Variants in COL27A1 observed in about 807,000 individuals in gnomAD.
The protein encoded by COL27A1 is collagen type XXVII alpha 1 chain.
Under a neutral mutation model 251.3 loss-of-function variants are expected in COL27A1, and 106 were observed. That is an observed-to-expected ratio of 0.42 (90% CI 0.36 to 0.50). The LOEUF (loss-of-function observed/expected upper bound fraction) is 0.50, where lower values mean the gene tolerates loss of function less well. COL27A1 is among the 20% of genes least tolerant of loss of function. The pLI is 0.00. For missense variants in COL27A1, 2,325 were observed against 2,522.8 expected (o/e 0.92, Z 1.68); for synonymous variants, 1,000 against 986.3 (o/e 1.01, Z -0.26).
intron 27 of COL27A1, among the ~76,000 whole-genome samples, chr9:114,256,943 A>T (rs889666742): frequency 2.6e-5 from 4 of 151,962 alleles, no homozygotes; most frequent in Non-Finnish European, 4.4e-5. Flanking sequence ...GCCCATTCTC[A>T]CCCAGTCTTT....
At chr9:114,258,418 C>A in intron 27 of COL27A1, 123 bp from the exon 28 acceptor site, 2 of 946,700 alleles carry the variant, frequency 2.1e-6, no homozygotes, top group Non-Finnish European at 1.6e-6. Flanking sequence ...GGGGCCCCGG[C>A]AGCTTCTGAA....
chr9:114,267,968 T>C (rs1834862186), intron 34 of COL27A1, among the ~76,000 whole-genome samples: 1 of 152,156 alleles, frequency 6.6e-6, no homozygotes, highest in African/African-American at 2.4e-5. Flanking sequence ...TGATGAGTGA[T>C]GCTGGCTAGC....
At position 114,306,706 on chromosome 9, in the gene COL27A1, C is replaced by G. The variant is rs767762396; in HGVS notation, c.5107+18C>G. On this transcript the variant is annotated intron_variant, in intron 58 of 60. Coordinates refer to ENST00000356083, the MANE Select transcript of COL27A1 (RefSeq NM_032888.4). ...GGTGGATGGTGAGAAGGCTTCCTGC[C>G]GGGGGTGGGTGCGCCTGGCGGTGGG... 3 of 1,608,094 alleles carry G rather than the reference C, an allele frequency of 1.9e-6. No individual in the cohort carries two copies. In the Admixed American group the frequency reaches 5.1e-5, roughly 27 times the overall value.
chr9:114,220,715 C>G (rs556838606), intron 13 of COL27A1, among the ~76,000 whole-genome samples: 19 of 152,098 alleles, frequency 1.2e-4, no homozygotes, highest in Admixed American at 3.3e-4. Flanking sequence ...AGCCTGAGGC[C>G]GGGCGCAGTG....
intron 10 of COL27A1, among the ~76,000 whole-genome samples, chr9:114,208,200 G>T (rs901534315): frequency 2.0e-5 from 3 of 152,132 alleles, no homozygotes; most frequent in Non-Finnish European, 4.4e-5. Flanking sequence ...CATTTTGGGA[G>T]GCCAAGGCGG....
chr9:114,163,864 C>T (rs897995637), intron 2 of COL27A1, among the ~76,000 whole-genome samples: 3 of 129,764 alleles, frequency 2.3e-5, no homozygotes, highest in Admixed American at 7.8e-5. Context: ...GGGCGGGGGG[C>T]GGGGGGAGAG....
intron 10 of COL27A1, among the ~76,000 whole-genome samples, chr9:114,208,147 C>T (rs762944514): frequency 1.2e-4 from 19 of 152,036 alleles, no homozygotes; most frequent in Non-Finnish European, 2.6e-4. Flanking sequence ...AGTAATAATA[C>T]TTCCTCAGGG....
chr9:114,288,365 A>G, intron 41 of COL27A1, 90 bp from the exon 42 acceptor site: 3 of 1,352,890 alleles, frequency 2.2e-6, no homozygotes, highest in Non-Finnish European at 3.1e-6. Context: ...GCAGGCTAGA[A>G]TTCATCTCTG....
At chr9:114,220,192 G>A (rs1002421681) in intron 13 of COL27A1, among the ~76,000 whole-genome samples, 2 of 152,226 alleles carry the variant, frequency 1.3e-5, no homozygotes, top group African/African-American at 2.4e-5. Context: ...TTTATGGGCC[G>A]GCAGAGGCAT....
In COL27A1 at chr9:114,290,818, G is replaced by A; in HGVS notation, c.4377G>A (p.Gln1459=). 1 of 1,548,602 alleles carries A rather than the reference G, an allele frequency of 6.5e-7. No individual in the cohort carries two copies. Among genetic ancestry groups the A allele is most frequent in the Non-Finnish European group, 8.7e-7 (1 of 1,145,794 alleles). ...RDGQAGQQGE[Q]GDDGDPGPMG... ...GCCTGCTTTCTTAACAGGGGGAGCAGGGAGACGATGGGGACCCTGGCCCCA... is the reference window on the plus strand; with the variant it reads ...GCCTGCTTTCTTAACAGGGGGAGCAAGGAGACGATGGGGACCCTGGCCCCA... Residue 1459 remains glutamine, a synonymous_variant, in exon 48 of 61, where the codon CAG becomes CAA. Transcript: ENST00000356083. The surrounding 1 kb of genome is among the most constrained non-coding windows in gnomAD (Gnocchi z 4.6).
chr9:114,272,088 G>T (rs1488714106), intron 36 of COL27A1: 1 of 152,254 alleles, frequency 6.6e-6, no homozygotes, highest in African/African-American at 2.4e-5. Context: ...TGATGCTGAT[G>T]AAGGTCATGG....
intron 5 of COL27A1, among the ~76,000 whole-genome samples, chr9:114,184,612 G>A (rs189945810): frequency 3.3e-5 from 5 of 152,328 alleles, no homozygotes; most frequent in African/African-American, 1.2e-4. Context: ...CTTTCACAGG[G>A]TGAACACTGA....
At chr9:114,306,434 T>C in intron 57 of COL27A1, 86 bp from the exon 58 acceptor site, 1 of 1,369,620 alleles carries the variant, frequency 7.3e-7, no homozygotes, top group Non-Finnish European at 1.0e-6. Context: ...ACCTCCCAGG[T>C]TGTGAGAACT....
At chr9:114,174,302 TGAAACACAAGGGG>T (rs1849535569) in intron 3 of COL27A1, among the ~76,000 whole-genome samples, 3 of 147,194 alleles carry the variant, frequency 2.0e-5, no homozygotes, top group South Asian at 2.2e-4. Context: ...CAGAGGCAGG[TGAAACACAAGGGG>T]CCTGGAAACT....
chr9:114,220,327 G>A (rs1431157825), intron 13 of COL27A1, among the ~76,000 whole-genome samples: 1 of 152,206 alleles, frequency 6.6e-6, no homozygotes, highest in African/African-American at 2.4e-5. Context: ...TGTTCCCCGA[G>A]GAGCCAGGTC....
intron 5 of COL27A1, among the ~76,000 whole-genome samples, chr9:114,193,406 G>T (rs1353189529): frequency 1.3e-5 from 2 of 152,120 alleles, no homozygotes; most frequent in Non-Finnish European, 1.5e-5. Context: ...CCTATGCTAG[G>T]CACAAAGAGT....
chr9:114,198,157 G>A (rs537902103), intron 7 of COL27A1, among the ~76,000 whole-genome samples: 2 of 152,268 alleles, frequency 1.3e-5, no homozygotes, highest in African/African-American at 2.4e-5. Flanking sequence ...TTGAATTTTT[G>A]TCATTCTGAG....
intron 14 of COL27A1, among the ~76,000 whole-genome samples, chr9:114,229,612 A>C (rs1421875225): frequency 6.6e-6 from 1 of 152,186 alleles, no homozygotes; most frequent in Non-Finnish European, 1.5e-5. Flanking sequence ...CAGGAAACAG[A>C]GGCCCAGAGA....
At position 114,201,710 on chromosome 9, in the gene COL27A1, A is replaced by G. The variant is rs141047959; in HGVS notation, c.2125-3392A>G. Among the ~76,000 whole-genome samples the G allele has an allele frequency of 1.9e-4, 29 of 152,148 alleles. 1 individual carries two copies. Among genetic ancestry groups the G allele is most frequent in the Admixed American group, 3.9e-4 (6 of 15,298 alleles). ...AGTGAGAAAGGAGATTGTCAAACTA[A>G]TGGTTTGGGGCTCTTTCAACTCAGT... On this transcript the variant is annotated intron_variant, in intron 7 of 60. Transcript: ENST00000356083.
Sources: allele counts gnomAD v4.1 joint callset (sites outside exome capture counted in the v4.1 genomes callset), GRCh38; gene constraint gnomAD v4.1.1; non-coding constraint Gnocchi (gnomAD v3.1); transcripts MANE v1.5; gene names NCBI Gene and HGNC (gene_info 2026-07-23, HGNC 2026-07-21).